Variants in PRH1 observed in about 807,000 individuals in gnomAD.
The protein encoded by PRH1 is proline rich protein HaeIII subfamily 1.
PRH1 carries 7 observed loss-of-function variants against 7.9 expected under a neutral mutation model. The observed-to-expected ratio is 0.89, with a 90% CI of 0.50 to 1.67. The LOEUF is 1.67. Among genes scored for constraint, PRH1 ranks in the 40% most tolerant of loss-of-function variants. The probability of loss-of-function intolerance (pLI) is 0.00; values close to 1 mark genes in which losing one functional copy is unlikely to be tolerated. For missense variants in PRH1, 109 were observed against 223.6 expected (o/e 0.49, Z 3.27); for synonymous variants, 45 against 80.8 (o/e 0.56, Z 2.38).
At chr12:11,086,104 TCCCCCCCC>T (rs144220978) in intron 1 of PRH1, among the ~76,000 whole-genome samples, 26,056 of 81,068 alleles carry the variant, frequency 0.32, 3,033 homozygotes, top group Non-Finnish European at 0.41. Flanking sequence ...ATAAACACAT[TCCCCCCCC>T]CACACACACA....
chr12:11,014,411 A>G lies in PRH1; in HGVS notation c.-126+32609T>C, dbSNP rs1365549315. On this transcript the variant is annotated intron_variant, in intron 1 of 3. Transcript: ENST00000539853. ...ATGCAACATGATGACTAACCTTGGG[A>G]ACATAGACTCTCTGGTGATCTTGCA... Among the ~76,000 whole-genome samples, 3 of 152,142 alleles carry G rather than the reference A, an allele frequency of 2.0e-5. No individual in the cohort carries two copies. In the East Asian group the frequency reaches 5.8e-4, roughly 29 times the overall value.
chr12:11,079,433 T>TA (rs1944422820), intron 1 of PRH1, among the ~76,000 whole-genome samples: 1 of 117,732 alleles, frequency 8.5e-6, no homozygotes, highest in Non-Finnish European at 2.0e-5. Flanking sequence ...TTATCTACAC[T>TA]AAATCAGCCA....
intron 1 of PRH1, among the ~76,000 whole-genome samples, chr12:11,040,604 A>G (rs1274356851): frequency 6.6e-6 from 1 of 152,174 alleles, no homozygotes; most frequent in Non-Finnish European, 1.5e-5. Flanking sequence ...AGAAATACCT[A>G]ATGTAGATGA....
intron 1 of PRH1, among the ~76,000 whole-genome samples, chr12:11,156,044 G>A (rs986775899): frequency 7.5e-4 from 114 of 152,130 alleles, no homozygotes; most frequent in African/African-American, 2.6e-3. Flanking sequence ...TTTTAGTTAC[G>A]CACATTTGCC....
In PRH1 at chr12:11,046,369, C is replaced by T. The variant is rs527908297; in HGVS notation, c.-126+651G>A. 2.6e-5 allele frequency among the ~76,000 whole-genome samples: 4 copies of T among 152,188 alleles called. No homozygotes were observed. The South Asian group carries it at 6.2e-4, about 24-fold the overall frequency. On this transcript the variant is annotated intron_variant, in intron 1 of 3. Coordinates refer to the PRH1 transcript ENST00000539853. ...GCCCTATACATGCATGGTATAGGGA[C>T]CAGACAAAGCTTTGGATAGTTTATA...
chr12:11,069,647 A>G (rs1380413141), intron 1 of PRH1, among the ~76,000 whole-genome samples: 8 of 152,338 alleles, frequency 5.3e-5, no homozygotes, highest in Non-Finnish European at 1.2e-4. Flanking sequence ...AATCAATGAA[A>G]CGATGACAGC....
intron 1 of PRH1, chr12:11,091,755 C>G (rs765278084): frequency 7.5e-7 from 1 of 1,332,252 alleles, no homozygotes; most frequent in Admixed American, 1.9e-5. Flanking sequence ...ATGTTTCCTT[C>G]AAATTCTTTT....
At chr12:11,037,860 C>G (rs1474853878) in intron 1 of PRH1, among the ~76,000 whole-genome samples, 1 of 151,930 alleles carries the variant, frequency 6.6e-6, no homozygotes, top group East Asian at 1.9e-4. Flanking sequence ...GGCAACATGG[C>G]AAAACCTTGC....
chr12:11,108,179 A>C lies in PRH1; in HGVS notation n.124-60991T>G, dbSNP rs1945484171. Among the ~76,000 whole-genome samples the C allele has an allele frequency of 3.3e-5, 5 of 152,376 alleles. No homozygotes were observed. The South Asian group carries it at 8.3e-4, about 25-fold the overall frequency. On this transcript the variant is annotated intron_variant and non_coding_transcript_variant, in intron 1 of 4. Coordinates refer to the PRH1 transcript ENST00000541977. ...CCAGATCTGTCCTAGAAAAATTTCA[A>C]ACGGATTACTTCAGTCAGAAAGAAA...
chr12:10,987,253 A>G (rs1276151676), intron 1 of PRH1, among the ~76,000 whole-genome samples: 1 of 152,164 alleles, frequency 6.6e-6, no homozygotes, highest in Non-Finnish European at 1.5e-5. Context: ...ATTTGTGTTC[A>G]GCAACTTCAG....
At chr12:10,965,969 G>C (rs1938481152) in intron 2 of PRH1, among the ~76,000 whole-genome samples, 1 of 152,116 alleles carries the variant, frequency 6.6e-6, no homozygotes, top group African/African-American at 2.4e-5. Context: ...CAGTACTTTT[G>C]TATGACATTA....
At chr12:10,920,996 A>G (rs1049509800) in intron 2 of PRH1, among the ~76,000 whole-genome samples, 1 of 152,054 alleles carries the variant, frequency 6.6e-6, no homozygotes, top group African/African-American at 2.4e-5. Flanking sequence ...AAAATTATTT[A>G]CTTTCTAGTT....
intron 1 of PRH1, among the ~76,000 whole-genome samples, chr12:11,075,043 A>G (rs1839565): frequency 0.73 from 97,735 of 133,284 alleles, 39,023 homozygotes; most frequent in East Asian, 0.96. Flanking sequence ...CCTCATTGCT[A>G]CCCTGGACTT....
chr12:10,942,739 G>T (rs1378583532), intron 2 of PRH1, among the ~76,000 whole-genome samples: 1 of 152,162 alleles, frequency 6.6e-6, no homozygotes, highest in African/African-American at 2.4e-5. Context: ...GCTTCTTGAT[G>T]ACTTCAAATT....
chr12:11,102,545 G>A (rs1945286920), intron 1 of PRH1, among the ~76,000 whole-genome samples: 1 of 152,238 alleles, frequency 6.6e-6, no homozygotes, highest in Non-Finnish European at 1.5e-5. Flanking sequence ...ATTAATTCAG[G>A]ATGGATTAAA....
chr12:11,138,623 T>C (rs1236097904), intron 1 of PRH1, among the ~76,000 whole-genome samples: 1 of 152,204 alleles, frequency 6.6e-6, no homozygotes, highest in Non-Finnish European at 1.5e-5. Context: ...AATAATTAAA[T>C]TGGAAATAAG....
chr12:10,940,060 T>C (rs375527598), intron 2 of PRH1, among the ~76,000 whole-genome samples: 4 of 152,294 alleles, frequency 2.6e-5, no homozygotes. Flanking sequence ...GTTAAGTCTG[T>C]AAAGGGACTT....
At chr12:10,919,715 C>T (rs182388154) in intron 2 of PRH1, among the ~76,000 whole-genome samples, 156 of 151,600 alleles carry the variant, frequency 1.0e-3, no homozygotes, top group African/African-American at 3.6e-3. Context: ...CTATCACGTA[C>T]GGAGGTTCCT....
chr12:10,882,423 G>T lies in PRH1; in HGVS notation c.376C>A (p.Gln126Lys). Residue 126 changes from glutamine (Q) to lysine (K), a missense_variant, in exon 3 of 4, where the codon CAA becomes AAA. Transcript: ENST00000543626. ...PQQGGHPPPP[Q>K]GRPQGPPQQG... The stretch of plus-strand genomic sequence containing the variant: ...TGGGGTGGTCCTTGTGGCCTTCCTT[G>T]AGGAGGAGGGGGATGGCCTCCCTGT... 1.9e-6 allele frequency: 3 copies of T among 1,603,620 alleles called. No individual in the cohort carries two copies. The highest frequency in any genetic ancestry group is 2.6e-6 in the Non-Finnish European group (3 of 1,175,230).
Sources: allele counts gnomAD v4.1 joint callset (sites outside exome capture counted in the v4.1 genomes callset), GRCh38; gene constraint gnomAD v4.1.1; transcripts MANE v1.5; gene names NCBI Gene and HGNC (gene_info 2026-07-23, HGNC 2026-07-21).